ITPR2: variants seen among roughly 807,000 people sequenced by gnomAD.
ITPR2 encodes inositol 1,4,5-trisphosphate receptor type 2.
Under a neutral mutation model 317.1 loss-of-function variants are expected in ITPR2, and 207 were observed. The ratio of observed to expected loss-of-function variants is 0.65; its 90% confidence interval spans 0.58 to 0.73. The LOEUF is 0.73. Ranked by LOEUF, ITPR2 falls within the 30% of genes least tolerant of loss-of-function variation. The pLI is 0.00. For synonymous variants in ITPR2, 1,156 were observed against 1,149.1 expected, an observed-to-expected ratio of 1.01 and a Z score of -0.12; for missense variants, 2,613 against 3,284.0, an observed-to-expected ratio of 0.80 and a Z score of 4.99.
chr12:26,691,854 G>A (rs140899053), intron 10 of ITPR2, among the ~76,000 whole-genome samples: 10 of 152,034 alleles, frequency 6.6e-5, no homozygotes, highest in East Asian at 1.9e-4. Flanking sequence ...GTGCATGCAC[G>A]TGTGTTTTTG....
chr12:26,536,089 T>C (rs919005679), intron 37 of ITPR2, among the ~76,000 whole-genome samples: 3 of 152,204 alleles, frequency 2.0e-5, no homozygotes, highest in African/African-American at 7.2e-5. Flanking sequence ...TGCCTGTGTA[T>C]ATAGCAAAGT....
At position 26,661,018 on chromosome 12, in the gene ITPR2, C is replaced by A. The variant is rs577615400; in HGVS notation, c.1714-1733G>T. ...AATGTTCTAAAAAATCAGAAAGCTGCTTTATGCTTACTACCAAGCATTCTT... is the reference window on the plus strand; with the variant it reads ...AATGTTCTAAAAAATCAGAAAGCTGATTTATGCTTACTACCAAGCATTCTT... On this transcript the variant is annotated intron_variant, in intron 15 of 56. Transcript: ENST00000381340. Among the ~76,000 whole-genome samples the A allele has an allele frequency of 1.1e-4, 16 of 151,598 alleles. No homozygotes were observed. In the East Asian group the frequency reaches 2.7e-3, roughly 26 times the overall value.
At chr12:26,379,304 C>A (rs754868085) in intron 55 of ITPR2, among the ~76,000 whole-genome samples, 23 of 152,156 alleles carry the variant, frequency 1.5e-4, no homozygotes, top group Non-Finnish European at 3.1e-4. Flanking sequence ...AGGCACTTAT[C>A]TAATGTCAGC....
chr12:26,540,586 AAT>A (rs2136981084), intron 37 of ITPR2, among the ~76,000 whole-genome samples: 1 of 152,348 alleles, frequency 6.6e-6, no homozygotes, highest in South Asian at 2.1e-4. Flanking sequence ...CAATATTTTC[AAT>A]ATGACTTTTT....
At chr12:26,667,681 C>T (rs1474907717) in intron 13 of ITPR2, among the ~76,000 whole-genome samples, 1 of 152,186 alleles carries the variant, frequency 6.6e-6, no homozygotes, top group African/African-American at 2.4e-5. Flanking sequence ...ACTTAAGTTT[C>T]TATATGCCCA....
chr12:26,779,755 C>A (rs1183838870), intron 2 of ITPR2, among the ~76,000 whole-genome samples: 1 of 152,188 alleles, frequency 6.6e-6, no homozygotes, highest in Non-Finnish European at 1.5e-5. Context: ...TCAAGCAGTG[C>A]ACTTGGTTGT....
In ITPR2 at chr12:26,453,421, G is replaced by C. The variant is rs146748713; in HGVS notation, c.6343-9771C>G. 3.5e-3 allele frequency among the ~76,000 whole-genome samples: 534 copies of C among 152,232 alleles called. 12 individuals are homozygous for C. The highest frequency in any genetic ancestry group is 0.026 in the Admixed American group (402 of 15,286). ...AGTCAAAAGAGTTAAAACATTTCAG[G>C]GTGAGGAAGCAAGAAAAGAAACTAA... is the stretch of plus-strand genomic sequence containing the variant. On this transcript the variant is annotated intron_variant, in intron 45 of 56. Coordinates refer to ENST00000381340, the MANE Select transcript of ITPR2 (RefSeq NM_002223.4).
At chr12:26,697,144 G>A (rs1393332824) in intron 9 of ITPR2, among the ~76,000 whole-genome samples, 1 of 152,146 alleles carries the variant, frequency 6.6e-6, no homozygotes, top group Non-Finnish European at 1.5e-5. Flanking sequence ...GCTCAAATCT[G>A]GGAACTGCGC....
intron 39 of ITPR2, 124 bp from the exon 40 acceptor site, chr12:26,487,375 C>G (rs1942697337): frequency 1.6e-6 from 1 of 619,356 alleles, no homozygotes; most frequent in African/African-American, 1.8e-5. Flanking sequence ...ATTACTATTT[C>G]ATAAATTGAC....
chr12:26,682,451 T>C (rs1948052120), intron 12 of ITPR2, 123 bp downstream of exon 12: 5 of 653,322 alleles, frequency 7.7e-6, no homozygotes, highest in South Asian at 4.4e-5. Context: ...ATGAAATTAA[T>C]TGCAATGATC....
intron 24 of ITPR2, 120 bp from the exon 25 acceptor site, chr12:26,622,525 A>G (rs1383095396): frequency 1.4e-5 from 10 of 708,550 alleles, no homozygotes; most frequent in Non-Finnish European, 2.1e-5. Flanking sequence ...TAGGAAGTGA[A>G]CAGGAAAACA....
intron 8 of ITPR2, among the ~76,000 whole-genome samples, chr12:26,712,634 T>TACACACAC (rs67872654): frequency 4.0e-5 from 6 of 148,928 alleles, no homozygotes; most frequent in African/African-American, 1.5e-4. Context: ...TTGTCTCAAA[T>TACACACAC]ACACACACAC....
intron 42 of ITPR2, among the ~76,000 whole-genome samples, 194 bp from the exon 43 acceptor site, chr12:26,481,435 G>C (rs1942543246): frequency 6.6e-6 from 1 of 152,172 alleles, no homozygotes; most frequent in Non-Finnish European, 1.5e-5. Context: ...AAATGGTTTT[G>C]TATGCAGAAC....
intron 26 of ITPR2, among the ~76,000 whole-genome samples, chr12:26,606,762 T>C (rs978044264): frequency 1.4e-4 from 22 of 151,764 alleles, no homozygotes; most frequent in African/African-American, 5.3e-4. Flanking sequence ...AAAGACTCTG[T>C]CTCTATAAAA....
At position 26,486,319 on chromosome 12, in the gene ITPR2, G is replaced by T. The variant is rs1263796303; in HGVS notation, c.5596C>A (p.Gln1866Lys). The stretch of plus-strand genomic sequence containing the variant: ...GTTGCTGAAGAAGCTTCTGTTAATT[G>T]CCCTTTCATTCCCTCTTTTAAATGT... ...TLHLKEGMKG[Q>K]LTEASSATSK... The change falls in exon 41 of 57, where the codon CAA (glutamine) becomes AAA (lysine). Residue 1866 changes from glutamine (Q) to lysine (K), a missense_variant. Physicochemically the swap from Gln to Lys is moderately conservative, Grantham distance 53 (BLOSUM62 1). Transcript: ENST00000381340. The T allele has an allele frequency of 6.2e-7, 1 of 1,612,244 alleles. No individual in the cohort carries two copies. The highest frequency in any genetic ancestry group is 1.1e-5 in the South Asian group (1 of 91,030).
At chr12:26,386,690 T>C (rs1939673827) in intron 55 of ITPR2, among the ~76,000 whole-genome samples, 1 of 152,112 alleles carries the variant, frequency 6.6e-6, no homozygotes, top group Admixed American at 6.6e-5. Context: ...GAATATCCAA[T>C]CTATAGCTAT....
intron 50 of ITPR2, among the ~76,000 whole-genome samples, chr12:26,417,472 G>T (rs766076859): frequency 6.6e-6 from 1 of 152,180 alleles, no homozygotes; most frequent in Non-Finnish European, 1.5e-5. Context: ...GATCATGGGG[G>T]TGGTTTCCCT....
At chr12:26,799,589 G>T (rs1027683570) in intron 1 of ITPR2, among the ~76,000 whole-genome samples, 8 of 152,138 alleles carry the variant, frequency 5.3e-5, no homozygotes, top group African/African-American at 1.9e-4. Context: ...GGATTTGCCC[G>T]TATATTTTGA....
chr12:26,360,967 A>G (rs758926107), intron 55 of ITPR2, among the ~76,000 whole-genome samples: 22 of 152,024 alleles, frequency 1.4e-4, no homozygotes, highest in Non-Finnish European at 2.4e-4. Context: ...TAATCCCAAA[A>G]CTTTGGGACG....
Sources: gnomAD v4.1 joint callset for allele counts (sites outside exome capture counted in the v4.1 genomes callset) on GRCh38, gnomAD v4.1.1 for gene constraint, MANE v1.5 for transcripts, NCBI Gene and HGNC (gene_info 2026-07-23, HGNC 2026-07-21) for gene names.